EBF2: variants seen among roughly 807,000 people sequenced by gnomAD.
The protein encoded by EBF2 is EBF transcription factor 2.
A neutral mutation model predicts 72.8 loss-of-function variants in EBF2; 21 were observed. The observed-to-expected ratio is 0.29, with a 90% CI of 0.20 to 0.42. The LOEUF is 0.42. EBF2 is among the 10% of genes least tolerant of loss of function. The pLI is 1.00. For missense variants in EBF2, 637 were observed against 731.2 expected, an observed-to-expected ratio of 0.87 and a Z score of 1.49; for synonymous variants, 299 against 274.2, an observed-to-expected ratio of 1.09 and a Z score of -0.89.
At chr8:25,971,350 AGTCT>A (rs1321015090) in intron 6 of EBF2, among the ~76,000 whole-genome samples, 1 of 129,010 alleles carries the variant, frequency 7.8e-6, no homozygotes, top group African/African-American at 2.7e-5. Context: ...AACAGAGTTC[AGTCT>A]CATTTTGCAG....
At chr8:25,941,255 G>T (rs1330169332) in intron 6 of EBF2, among the ~76,000 whole-genome samples, 10 of 151,244 alleles carry the variant, frequency 6.6e-5, no homozygotes, top group African/African-American at 2.2e-4. Flanking sequence ...GCCCAGGCTG[G>T]AGTGCAGTGG....
chr8:26,011,972 AG>A (rs1194933121), intron 6 of EBF2, among the ~76,000 whole-genome samples: 5 of 152,174 alleles, frequency 3.3e-5, no homozygotes, highest in Admixed American at 3.3e-4. Flanking sequence ...AACTTAACAA[AG>A]GGAGCCTTGA....
chr8:25,851,929 G>A (rs1322678271), intron 14 of EBF2, among the ~76,000 whole-genome samples: 1 of 152,090 alleles, frequency 6.6e-6, no homozygotes, highest in African/African-American at 2.4e-5. Context: ...TATATTTTGG[G>A]CCACGTCCAC....
intron 6 of EBF2, among the ~76,000 whole-genome samples, chr8:25,991,343 G>A (rs1804542243): frequency 6.6e-6 from 1 of 152,196 alleles, no homozygotes; most frequent in Admixed American, 6.5e-5. Context: ...GCCTCACAGA[G>A]AGAAGCCTTT....
chr8:26,044,585 G>A lies in EBF2; in HGVS notation c.131+144C>T, dbSNP rs1805668843. 1 of 1,254,846 alleles carries A rather than the reference G, an allele frequency of 8.0e-7. No homozygotes were observed. The highest frequency in any genetic ancestry group is 1.1e-6 in the Non-Finnish European group (1 of 910,230). The allele number at this position is 1,254,846 out of a possible 1,614,324, so 77.7% of individuals were successfully genotyped here. On this transcript the variant is annotated intron_variant, in intron 1 of 15. Coordinates refer to ENST00000520164, the MANE Select transcript of EBF2 (RefSeq NM_022659.4). The surrounding 1 kb of genome is among the most constrained non-coding windows in gnomAD (Gnocchi z 4.1). The stretch of plus-strand genomic sequence containing the variant: ...TGACTGCAGCGATCTGCTTGCCCGA[G>A]GGCGAGCCCCAGCGCGCAGGGCCTG...
chr8:25,860,348 A>G (rs6983832), intron 13 of EBF2, among the ~76,000 whole-genome samples: 12,389 of 152,252 alleles, frequency 0.081, 1,720 homozygotes, highest in African/African-American at 0.28. Context: ...GGTATCATAA[A>G]TGATAATGGC....
intron 6 of EBF2, among the ~76,000 whole-genome samples, chr8:26,002,521 T>G (rs1385324963): frequency 6.6e-6 from 1 of 151,886 alleles, no homozygotes; most frequent in African/African-American, 2.4e-5. Context: ...GGCTGAGCAC[T>G]TCTCTGCCTC....
chr8:25,979,498 G>A (rs1427696023), intron 6 of EBF2, among the ~76,000 whole-genome samples: 1 of 152,202 alleles, frequency 6.6e-6, no homozygotes, highest in African/African-American at 2.4e-5. Flanking sequence ...ACCCCTGAAG[G>A]GCAGATACTC....
chr8:25,943,113 C>T (rs1265660468), intron 6 of EBF2, among the ~76,000 whole-genome samples: 1 of 151,962 alleles, frequency 6.6e-6, no homozygotes, highest in East Asian at 1.9e-4. Context: ...ACTTGTTTCT[C>T]CTATGGAACA....
intron 6 of EBF2, among the ~76,000 whole-genome samples, chr8:25,955,003 G>A (rs1452937568): frequency 6.6e-6 from 1 of 152,212 alleles, no homozygotes; most frequent in South Asian, 2.1e-4. Context: ...TTGTGCAGCC[G>A]CTGTAAACAA....
At chr8:26,022,531 T>C (rs1484089908) in intron 6 of EBF2, among the ~76,000 whole-genome samples, 1 of 152,214 alleles carries the variant, frequency 6.6e-6, no homozygotes. Flanking sequence ...TTAAAAGTCC[T>C]GGCTACTTAG....
chr8:25,966,080 C>A (rs1313281083), intron 6 of EBF2, among the ~76,000 whole-genome samples: 2 of 152,202 alleles, frequency 1.3e-5, no homozygotes, highest in African/African-American at 4.8e-5. Context: ...AGCCATCCAG[C>A]CAGAGGTATG....
intron 6 of EBF2, among the ~76,000 whole-genome samples, chr8:25,970,828 T>G (rs1804178684): frequency 6.6e-6 from 1 of 152,144 alleles, no homozygotes; most frequent in Non-Finnish European, 1.5e-5. Flanking sequence ...CCACTTTATT[T>G]ATTTATTTCA....
intron 6 of EBF2, among the ~76,000 whole-genome samples, chr8:25,959,597 G>C (rs185813904): frequency 6.6e-6 from 1 of 152,182 alleles, no homozygotes; most frequent in Non-Finnish European, 1.5e-5. Flanking sequence ...TTTGTTGTTT[G>C]GGGGAGGTTT....
At chr8:25,943,094 T>C (rs1471960464) in intron 6 of EBF2, among the ~76,000 whole-genome samples, 1 of 152,124 alleles carries the variant, frequency 6.6e-6, no homozygotes, top group African/African-American at 2.4e-5. Context: ...ATTGAGTGAA[T>C]AGTTAAATAC....
At chr8:26,026,026 A>C (rs1805297619) in intron 6 of EBF2, among the ~76,000 whole-genome samples, 1 of 152,168 alleles carries the variant, frequency 6.6e-6, no homozygotes, top group Admixed American at 6.5e-5. Flanking sequence ...ATAAAATTTA[A>C]AAGATAGCCC....
rs531850792 is a variant in EBF2 at position 25,850,614 on chromosome 8, C to A, written c.1676G>T (p.Gly559Val). 3 of 1,563,198 alleles carry A rather than the reference C, an allele frequency of 1.9e-6. No homozygotes were observed. Among genetic ancestry groups the A allele is most frequent in the South Asian group, 2.4e-5 (2 of 83,170 alleles). Residue 559 changes from glycine to valine, a missense_variant, in exon 15 of 16, where the codon GGC becomes GTC. This residue lies in a region of EBF2 where 259 missense variants were observed against 268.1 expected (regional missense o/e 0.97). Coordinates refer to ENST00000520164, the MANE Select transcript of EBF2 (RefSeq NM_022659.4). ...CTTACCTCTGAATCCATTTCCATTG[C>A]CGCTGGAGCAGGCAGGTGAAGGGGA... ...QGSPSPACSS[G>V]NGNGFRAMTG... is the part of the protein sequence containing the mutation.
chr8:26,010,919 G>GA (rs1300595471), intron 6 of EBF2, among the ~76,000 whole-genome samples: 7 of 151,904 alleles, frequency 4.6e-5, no homozygotes, highest in African/African-American at 1.7e-4. Context: ...GCCTGCACTA[G>GA]AAAAAGTCCA....
intron 14 of EBF2, among the ~76,000 whole-genome samples, chr8:25,853,554 A>G (rs1034377376): frequency 1.3e-5 from 2 of 152,116 alleles, no homozygotes; most frequent in Non-Finnish European, 2.9e-5. Flanking sequence ...TAAGGGAAGA[A>G]TTAACCTCTC....
Sources: gnomAD v4.1 joint callset for allele counts (sites outside exome capture counted in the v4.1 genomes callset) on GRCh38, gnomAD v4.1.1 for gene constraint, gnomAD v4.1.1 regional missense constraint, Gnocchi (gnomAD v3.1) non-coding constraint, MANE v1.5 for transcripts, NCBI Gene and HGNC (gene_info 2026-07-23, HGNC 2026-07-21) for gene names.